Variants in HDAC4 observed in about 807,000 individuals in gnomAD.
The protein encoded by HDAC4 is histone deacetylase A.
Under a neutral mutation model 135.1 loss-of-function variants are expected in HDAC4, and 16 were observed. That is an observed-to-expected ratio of 0.12 (90% CI 0.08 to 0.18). HDAC4 has a LOEUF of 0.18. Ranked by LOEUF, HDAC4 falls within the 10% of genes least tolerant of loss-of-function variation. HDAC4 has a pLI of 1.00. For missense variants in HDAC4, 1,143 were observed against 1,511.8 expected (o/e 0.76, Z 4.05); for synonymous variants, 685 against 653.4 (o/e 1.05, Z -0.74).
chr2:239,216,839 G>A (rs1303501257), intron 3 of HDAC4, among the ~76,000 whole-genome samples: 1 of 152,172 alleles, frequency 6.6e-6, no homozygotes, highest in East Asian at 1.9e-4. Flanking sequence ...GCCATACTCG[G>A]CATCTTTCTA....
chr2:239,141,154 G>A lies in HDAC4; in HGVS notation c.866-1358C>T, dbSNP rs572799049. 4.6e-5 allele frequency among the ~76,000 whole-genome samples: 7 copies of A among 152,250 alleles called. No homozygotes were observed. The highest frequency in any genetic ancestry group is 1.9e-4 in the East Asian group (1 of 5,160). On this transcript the variant is annotated intron_variant, in intron 8 of 26. Transcript: ENST00000543185. The surrounding 1 kb of genome is among the most constrained non-coding windows in gnomAD (Gnocchi z 4.9). ...GTGGCTTGAGGGAACTGTCATGGGC[G>A]TCTGCATACCAGAGTTAACCCAGCT...
At chr2:239,346,601 A>G (rs114066787) in intron 2 of HDAC4, among the ~76,000 whole-genome samples, 2,169 of 148,582 alleles carry the variant, frequency 0.015, 52 homozygotes, top group African/African-American at 0.051. Flanking sequence ...ACACCTGTCT[A>G]AAACACACAT....
chr2:239,275,668 G>A (rs955495374), intron 2 of HDAC4, among the ~76,000 whole-genome samples: 1 of 152,090 alleles, frequency 6.6e-6, no homozygotes, highest in African/African-American at 2.4e-5. Flanking sequence ...GCCACCCTGC[G>A]ACTCCAGGTC....
chr2:239,299,458 C>T lies in HDAC4; in HGVS notation c.22+53220G>A, dbSNP rs1020764698. 7.2e-5 allele frequency among the ~76,000 whole-genome samples: 11 copies of T among 152,238 alleles called. No individual in the cohort carries two copies. Among genetic ancestry groups the T allele is most frequent in the South Asian group, 2.1e-4 (1 of 4,830 alleles). On this transcript the variant is annotated intron_variant, in intron 2 of 26. Coordinates refer to ENST00000543185, the MANE Select transcript of HDAC4 (RefSeq NM_001378414.1). This position sits in a 1 kb window ranked among gnomAD's most constrained non-coding sequence, Gnocchi z 4.0. Reference sequence around the variant, plus strand: ...ATATTCTGATCCCCTCGCACAACCACGGCACTGGGGTGCCGAAACCAGAAG... The same window carrying T: ...ATATTCTGATCCCCTCGCACAACCATGGCACTGGGGTGCCGAAACCAGAAG...
At position 239,126,554 on chromosome 2, in the gene HDAC4, C is replaced by G; in HGVS notation, c.1435G>C (p.Ala479Pro). Residue 479 changes from alanine to proline, a missense_variant, in exon 12 of 27, where the codon GCC (alanine) becomes CCC (proline). By Grantham distance (27) the Ala-to-Pro change is conservative. Transcript: ENST00000543185. Reference sequence around the variant, plus strand: ...ATGACCAGGTGCTGCAGAGCCTGGGCGTTCTGGGGCAGCGGGGCCGACTGG... The same window carrying G: ...ATGACCAGGTGCTGCAGAGCCTGGGGGTTCTGGGGCAGCGGGGCCGACTGG... ...RTQSAPLPQN[A>P]QALQHLVIQQ... is the part of the protein sequence containing the mutation. 6.2e-7 allele frequency: 1 copy of G among 1,613,632 alleles called. No individual in the cohort carries two copies.
intron 3 of HDAC4, among the ~76,000 whole-genome samples, chr2:239,204,090 C>T (rs149242588): frequency 6.6e-6 from 1 of 152,318 alleles, no homozygotes; most frequent in African/African-American, 2.4e-5. Context: ...AACAATGAAG[C>T]AGATTCTGGT....
rs2031270173 is a variant in HDAC4, at chr2:239,053,688, G to A, written c.3089-87C>T. The A allele has an allele frequency of 2.6e-6, 3 of 1,149,582 alleles. No individual in the cohort carries two copies. The South Asian group carries it at 3.9e-5, about 15-fold the overall frequency. The allele number at this position is 1,149,582 out of a possible 1,614,324, so 71.2% of individuals were successfully genotyped here. A position where few individuals can be genotyped will look rare whatever the true frequency, so the allele number is the denominator to read the frequency against. On this transcript the variant is annotated intron_variant, in intron 25 of 26. Transcript: ENST00000543185. Reference sequence around the variant, plus strand: ...CCGGGAAGGTCCTGCGGGACCCTGAGCCTCAAACCAGATTGATCCCTTATG... The same window carrying A: ...CCGGGAAGGTCCTGCGGGACCCTGAACCTCAAACCAGATTGATCCCTTATG...
chr2:239,263,028 G>A (rs1364567673), intron 2 of HDAC4, among the ~76,000 whole-genome samples: 2 of 152,148 alleles, frequency 1.3e-5, no homozygotes, highest in Non-Finnish European at 2.9e-5. Flanking sequence ...AGAGAATGAA[G>A]GATGTGGACA....
chr2:239,378,688 GAACCCGGGAACCAATA>G (rs1559396207), intron 1 of HDAC4, among the ~76,000 whole-genome samples: 3 of 126,904 alleles, frequency 2.4e-5, no homozygotes, highest in Non-Finnish European at 3.8e-5. Context: ...GGGAACCAAT[GAACCCGGGAACCAATA>G]ACCCCGGGAA....
chr2:239,060,841 C>T (rs550458250), intron 24 of HDAC4, among the ~76,000 whole-genome samples: 13 of 152,334 alleles, frequency 8.5e-5, no homozygotes, highest in Admixed American at 5.2e-4. Flanking sequence ...GTGGGATGCA[C>T]GCAGGCTCCT....
intron 2 of HDAC4, among the ~76,000 whole-genome samples, chr2:239,301,993 A>C (rs981653237): frequency 3.9e-5 from 6 of 152,172 alleles, no homozygotes; most frequent in African/African-American, 1.2e-4. Context: ...ACAACAACAA[A>C]AAAAACAGGC....
In HDAC4 at chr2:239,112,143, C is replaced by T. The variant is rs149364191; in HGVS notation, c.1792-431G>A. 2.6e-5 allele frequency among the ~76,000 whole-genome samples: 4 copies of T among 152,258 alleles called. No homozygotes were observed. The East Asian group carries it at 7.7e-4, about 29-fold the overall frequency. ...AGGGCCTGGCAGGTGTGGAGAGAAGCTCTTGCTGGGGCGGCAGCCTGGCCC... is the reference window on the plus strand; with the variant it reads ...AGGGCCTGGCAGGTGTGGAGAGAAGTTCTTGCTGGGGCGGCAGCCTGGCCC... On this transcript the variant is annotated intron_variant, in intron 13 of 26. Transcript: ENST00000543185.
chr2:239,278,381 A>G (rs1262393583), intron 2 of HDAC4, among the ~76,000 whole-genome samples: 1 of 152,234 alleles, frequency 6.6e-6, no homozygotes, highest in Non-Finnish European at 1.5e-5. Flanking sequence ...TTTAAAATGT[A>G]AAAACATATT....
chr2:239,338,018 G>C (rs1485414334), intron 2 of HDAC4, among the ~76,000 whole-genome samples: 1 of 152,150 alleles, frequency 6.6e-6, no homozygotes, highest in Non-Finnish European at 1.5e-5. Flanking sequence ...GCATCCCCCA[G>C]CACACCGAAA....
At chr2:239,375,376 G>A (rs566200643) in intron 1 of HDAC4, among the ~76,000 whole-genome samples, 10 of 130,974 alleles carry the variant, frequency 7.6e-5, no homozygotes, top group South Asian at 2.8e-4. Flanking sequence ...GCCACGGACC[G>A]TCCACTCACT....
At chr2:239,184,608 C>T (rs2153027638) in intron 4 of HDAC4, among the ~76,000 whole-genome samples, 1 of 134,608 alleles carries the variant, frequency 7.4e-6, no homozygotes, top group African/African-American at 2.8e-5. Context: ...CAGTGTCTGT[C>T]CTGGAGGCTG....
intron 1 of HDAC4, among the ~76,000 whole-genome samples, chr2:239,371,534 A>G (rs988756403): frequency 5.3e-5 from 8 of 152,080 alleles, no homozygotes; most frequent in African/African-American, 1.7e-4. Context: ...AACACACCCG[A>G]TCACATTCAT....
At chr2:239,384,220 G>T (rs1467589868) in intron 1 of HDAC4, among the ~76,000 whole-genome samples, 1 of 152,184 alleles carries the variant, frequency 6.6e-6, no homozygotes, top group African/African-American at 2.4e-5. Flanking sequence ...CGTAATCTGG[G>T]ATACCTGCGT....
At chr2:239,321,076 G>T (rs1252228069) in intron 2 of HDAC4, among the ~76,000 whole-genome samples, 2 of 152,030 alleles carry the variant, frequency 1.3e-5, no homozygotes, top group Non-Finnish European at 1.5e-5. Flanking sequence ...TCTATTCAGG[G>T]TTTTAAACCT....
Sources: gnomAD v4.1 joint callset for allele counts (sites outside exome capture counted in the v4.1 genomes callset) on GRCh38, gnomAD v4.1.1 for gene constraint, Gnocchi (gnomAD v3.1) non-coding constraint, MANE v1.5 for transcripts, NCBI Gene and HGNC (gene_info 2026-07-23, HGNC 2026-07-21) for gene names.